The following CDK5RAP2 variants were observed in gnomAD, a reference collection of about 807,000 sequenced individuals.
CDK5RAP2 encodes CDK5 regulatory subunit-associated protein 2.
In CDK5RAP2, 147 loss-of-function variants were observed where a neutral mutation model predicts 232.9. That is an observed-to-expected ratio of 0.63 (90% CI 0.55 to 0.72). The LOEUF is 0.72. CDK5RAP2 is among the 30% of genes least tolerant of loss of function. The probability of loss-of-function intolerance (pLI) is 0.00; values close to 1 mark genes in which losing one functional copy is unlikely to be tolerated. For synonymous variants in CDK5RAP2, 833 were observed against 833.7 expected (o/e 1.00, Z 0.01); for missense variants, 2,195 against 2,231.5 (o/e 0.98, Z 0.33).
chr9:120,547,155 A>T (rs1195088674), intron 4 of CDK5RAP2, among the ~76,000 whole-genome samples: 1 of 151,624 alleles, frequency 6.6e-6, no homozygotes, highest in Non-Finnish European at 1.5e-5. Context: ...CGCCCAGCTA[A>T]TTTTTTGTAT....
intron 3 of CDK5RAP2, among the ~76,000 whole-genome samples, chr9:120,558,268 G>A (rs996688732): frequency 1.4e-5 from 2 of 145,298 alleles, no homozygotes; most frequent in African/African-American, 5.0e-5. Context: ...AGCTACTCCG[G>A]AGGCTGAGGC....
At chr9:120,496,390 TCAGCCCCCCCGCCCAGC>T in intron 12 of CDK5RAP2, among the ~76,000 whole-genome samples, 1 of 26,424 alleles carries the variant, frequency 3.8e-5, no homozygotes, top group Non-Finnish European at 7.3e-5. Context: ...GGGGGGGGGG[TCAGCCCCCCCGCCCAGC>T]CAGCCGCCCT....
chr9:120,496,574 C>A (rs1203554166), intron 12 of CDK5RAP2, among the ~76,000 whole-genome samples: 2 of 150,940 alleles, frequency 1.3e-5, no homozygotes, highest in Non-Finnish European at 3.0e-5. Context: ...GGGTCGGCCC[C>A]CCGTCCGGCC....
intron 3 of CDK5RAP2, among the ~76,000 whole-genome samples, chr9:120,557,867 C>A (rs369362889): frequency 6.7e-6 from 1 of 148,720 alleles, no homozygotes. Context: ...CGGGTTCAAG[C>A]GATTCTCCCT....
Position 120,439,820 on chromosome 9 carries a change from C to T in CDK5RAP2, c.3301G>A (p.Glu1101Lys). The T allele has an allele frequency of 1.9e-6, 3 of 1,614,194 alleles. No homozygotes were observed. Among genetic ancestry groups the T allele is most frequent in the Non-Finnish European group, 2.5e-6 (3 of 1,180,042 alleles). ...KVSVMGTDQS[E>K]SINTSNETEY... ...GTCTCATTTGAGGTATTAATGCTCT[C>T]TGACTGATCAGTCCCCATCACACTG... The change falls in exon 24 of 38, where the codon GAG (glutamate) becomes AAG (lysine). Residue 1101 changes from glutamate (E) to lysine (K), a missense_variant. Transcript: ENST00000349780.
chr9:120,563,568 T>A (rs1215876933), intron 3 of CDK5RAP2, among the ~76,000 whole-genome samples: 1 of 152,078 alleles, frequency 6.6e-6, no homozygotes. Context: ...CTTACCTAAT[T>A]AATAACTGAA....
intron 15 of CDK5RAP2, among the ~76,000 whole-genome samples, chr9:120,472,967 A>G (rs1367831984): frequency 6.6e-6 from 1 of 152,364 alleles, no homozygotes; most frequent in African/African-American, 2.4e-5. Flanking sequence ...GCTAGTGGCT[A>G]CTGAACTGGA....
chr9:120,421,907 C>T (rs2034588936), intron 26 of CDK5RAP2, among the ~76,000 whole-genome samples: 1 of 152,226 alleles, frequency 6.6e-6, no homozygotes, highest in African/African-American at 2.4e-5. Flanking sequence ...AAATATGCAA[C>T]TCTGACCCAC....
intron 35 of CDK5RAP2, among the ~76,000 whole-genome samples, chr9:120,394,881 G>A (rs1427480176): frequency 6.6e-6 from 1 of 152,176 alleles, no homozygotes; most frequent in Non-Finnish European, 1.5e-5. Context: ...CAGTGAGAAC[G>A]CCCTGGCAAG....
chr9:120,551,355 A>C (rs1039190601), intron 3 of CDK5RAP2, among the ~76,000 whole-genome samples: 2 of 152,222 alleles, frequency 1.3e-5, no homozygotes, highest in Non-Finnish European at 2.9e-5. Flanking sequence ...ATATTCAGAC[A>C]GTCATAACAT....
intron 12 of CDK5RAP2, among the ~76,000 whole-genome samples, chr9:120,508,821 C>G (rs905290270): frequency 1.3e-5 from 2 of 152,268 alleles, no homozygotes; most frequent in Non-Finnish European, 2.9e-5. Flanking sequence ...GTCCATTCCA[C>G]TATCAGGACT....
intron 3 of CDK5RAP2, among the ~76,000 whole-genome samples, chr9:120,560,627 T>C (rs1214778200): frequency 1.3e-5 from 2 of 152,230 alleles, no homozygotes; most frequent in Non-Finnish European, 2.9e-5. Flanking sequence ...ATTGTCTCTT[T>C]TTTTTTGAGA....
chr9:120,391,977 G>A (rs563365154), intron 36 of CDK5RAP2, among the ~76,000 whole-genome samples: 45 of 152,290 alleles, frequency 3.0e-4, no homozygotes, highest in African/African-American at 8.7e-4. Context: ...CTGCTCTGGC[G>A]GAGCCTGCTC....
chr9:120,475,458 C>T (rs1045658126), intron 15 of CDK5RAP2, among the ~76,000 whole-genome samples: 1 of 152,100 alleles, frequency 6.6e-6, no homozygotes, highest in African/African-American at 2.4e-5. Context: ...CCATATCCAC[C>T]CACAAGGCCT....
intron 5 of CDK5RAP2, among the ~76,000 whole-genome samples, chr9:120,540,781 G>A (rs1212468464): frequency 2.6e-5 from 4 of 152,162 alleles, no homozygotes; most frequent in Admixed American, 6.5e-5. Flanking sequence ...GCTCACACAC[G>A]TCGGCCTGTT....
chr9:120,525,664 C>T lies in CDK5RAP2; in HGVS notation c.1000-586G>A, dbSNP rs187099940. Among the ~76,000 whole-genome samples the T allele has an allele frequency of 2.8e-3, 427 of 152,186 alleles. 2 individuals are homozygous for T. The highest frequency in any genetic ancestry group is 9.7e-3 in the African/African-American group (404 of 41,498). ...ACGGGGTCTTGCTCTGTCACCCAGGCTAGAGTGCAGTGGCTGATAACAGCT... is the reference window on the plus strand; with the variant it reads ...ACGGGGTCTTGCTCTGTCACCCAGGTTAGAGTGCAGTGGCTGATAACAGCT... On this transcript the variant is annotated intron_variant, in intron 10 of 37. Coordinates refer to ENST00000349780, the MANE Select transcript of CDK5RAP2 (RefSeq NM_018249.6).
chr9:120,542,925 C>T (rs150813947), intron 5 of CDK5RAP2, among the ~76,000 whole-genome samples: 1 of 152,252 alleles, frequency 6.6e-6, no homozygotes, highest in East Asian at 1.9e-4. Context: ...TTACAAAGGG[C>T]TGAGCAATGG....
At chr9:120,572,882 C>T (rs1386475004) in intron 1 of CDK5RAP2, among the ~76,000 whole-genome samples, 1 of 152,202 alleles carries the variant, frequency 6.6e-6, no homozygotes, top group South Asian at 2.1e-4. Context: ...AAAAGATTTA[C>T]CATCATTAGA....
At chr9:120,550,962 A>G (rs1220240708) in intron 3 of CDK5RAP2, 60 bp from the exon 4 acceptor site, 1 of 924,872 alleles carries the variant, frequency 1.1e-6, no homozygotes, top group African/African-American at 1.6e-5. Flanking sequence ...TCCAACAGAT[A>G]GTACATACAT....
Sources: gnomAD v4.1 joint callset for allele counts (sites outside exome capture counted in the v4.1 genomes callset) on GRCh38, gnomAD v4.1.1 for gene constraint, MANE v1.5 for transcripts, NCBI Gene and HGNC (gene_info 2026-07-23, HGNC 2026-07-21) for gene names.